Variants in CDH13 observed in about 807,000 individuals in gnomAD.
CDH13 encodes cadherin-13.
Under a neutral mutation model 63.8 loss-of-function variants are expected in CDH13, and 24 were observed. The ratio of observed to expected loss-of-function variants is 0.38; its 90% confidence interval spans 0.27 to 0.53. The LOEUF (loss-of-function observed/expected upper bound fraction) is 0.53, where lower values mean the gene tolerates loss of function less well. Ranked by LOEUF, CDH13 falls within the 20% of genes least tolerant of loss-of-function variation. The pLI, the probability that CDH13 is intolerant of heterozygous loss-of-function variation, is 0.85. For synonymous variants in CDH13, 503 were observed against 355.3 expected, an observed-to-expected ratio of 1.42 and a Z score of -4.67; for missense variants, 1,049 against 903.1, an observed-to-expected ratio of 1.16 and a Z score of -2.07.
At chr16:83,057,048 C>G (rs1279527238) in intron 3 of CDH13, among the ~76,000 whole-genome samples, 2 of 152,154 alleles carry the variant, frequency 1.3e-5, no homozygotes, top group East Asian at 1.9e-4. Context: ...CTCACTGCAA[C>G]CTCTGACTCC....
chr16:83,647,150 AAC>A, intron 8 of CDH13, among the ~76,000 whole-genome samples: 1 of 151,846 alleles, frequency 6.6e-6, no homozygotes, highest in African/African-American at 2.4e-5. Context: ...CTCTACTAAA[AAC>A]ACAAAAAATT....
intron 1 of CDH13, among the ~76,000 whole-genome samples, chr16:82,846,189 T>C (rs961081804): frequency 2.6e-5 from 4 of 152,220 alleles, no homozygotes; most frequent in African/African-American, 4.8e-5. Context: ...TTCTTAGAGG[T>C]TGTCATGTGA....
chr16:83,114,439 C>G (rs1342979872), intron 3 of CDH13, among the ~76,000 whole-genome samples: 1 of 152,184 alleles, frequency 6.6e-6, no homozygotes, highest in South Asian at 2.1e-4. Context: ...TTTACAACAG[C>G]TTATTGGCTT....
chr16:83,364,214 A>G (rs868853314), intron 6 of CDH13, among the ~76,000 whole-genome samples: 1 of 151,792 alleles, frequency 6.6e-6, no homozygotes, highest in Non-Finnish European at 1.5e-5. Context: ...GATAGACATA[A>G]TAAGTCCACA....
chr16:83,463,181 C>T (rs1178425739), intron 6 of CDH13, among the ~76,000 whole-genome samples: 2 of 152,164 alleles, frequency 1.3e-5, no homozygotes, highest in East Asian at 1.9e-4. Flanking sequence ...ATTGAAGATT[C>T]TATTGCTGAA....
At chr16:82,815,837 T>C (rs1001882327) in intron 1 of CDH13, among the ~76,000 whole-genome samples, 18 of 152,306 alleles carry the variant, frequency 1.2e-4, no homozygotes, top group African/African-American at 4.1e-4. Context: ...TCCAGATAGT[T>C]CACGGATGCT....
chr16:83,385,256 G>A (rs1362250802), intron 6 of CDH13, among the ~76,000 whole-genome samples: 1 of 152,216 alleles, frequency 6.6e-6, no homozygotes, highest in East Asian at 1.9e-4. Context: ...TTTTTGTAAG[G>A]CAAGTAAGAT....
intron 6 of CDH13, among the ~76,000 whole-genome samples, chr16:83,461,074 A>G (rs1406590925): frequency 6.6e-6 from 1 of 152,000 alleles, no homozygotes; most frequent in African/African-American, 2.4e-5. Flanking sequence ...GCAGGCTAAG[A>G]TCATGGAGGA....
At chr16:83,372,803 T>C (rs1382506963) in intron 6 of CDH13, among the ~76,000 whole-genome samples, 3 of 150,672 alleles carry the variant, frequency 2.0e-5, no homozygotes, top group South Asian at 2.1e-4. Flanking sequence ...AACTCATCTC[T>C]GCATCTCTGC....
rs1907245345 is a variant in CDH13 at position 83,263,636 on chromosome 16, T to C, written c.636+46139T>C. Among the ~76,000 whole-genome samples, 4 of 152,196 alleles carry C rather than the reference T, an allele frequency of 2.6e-5. No homozygotes were observed. The South Asian group carries it at 8.3e-4, about 32-fold the overall frequency. On this transcript the variant is annotated intron_variant, in intron 5 of 13. Transcript: ENST00000567109. ...GATGTGGTTTGGCCAATGTAGAGGATTAAAACCATTACCACTGCTTCTTCT... is the reference window on the plus strand; with the variant it reads ...GATGTGGTTTGGCCAATGTAGAGGACTAAAACCATTACCACTGCTTCTTCT...
chr16:83,252,093 GTA>G (rs151167605), intron 5 of CDH13, among the ~76,000 whole-genome samples: 4 of 74,254 alleles, frequency 5.4e-5, no homozygotes, highest in South Asian at 4.2e-4. Flanking sequence ...ATGTATATAT[GTA>G]TATATATATT....
At chr16:82,920,284 G>A (rs2042113730) in intron 2 of CDH13, among the ~76,000 whole-genome samples, 1 of 152,152 alleles carries the variant, frequency 6.6e-6, no homozygotes, top group African/African-American at 2.4e-5. Flanking sequence ...TTTCCCATAA[G>A]TTCTCCCCTC....
At chr16:83,118,418 T>G (rs1021140676) in intron 3 of CDH13, among the ~76,000 whole-genome samples, 1 of 152,222 alleles carries the variant, frequency 6.6e-6, no homozygotes, top group Non-Finnish European at 1.5e-5. Context: ...AACCCGCATG[T>G]GCATAAGTGT....
chr16:82,779,021 G>T (rs1302437116), intron 1 of CDH13, among the ~76,000 whole-genome samples: 2 of 152,152 alleles, frequency 1.3e-5, no homozygotes, highest in Non-Finnish European at 2.9e-5. Flanking sequence ...GGAAAGCAAA[G>T]AAATGGCTGG....
intron 5 of CDH13, among the ~76,000 whole-genome samples, chr16:83,328,050 G>A (rs775669542): frequency 4.0e-5 from 6 of 151,690 alleles, no homozygotes; most frequent in African/African-American, 1.5e-4. Context: ...GGAGAATGGC[G>A]TGGACCCAGG....
intron 2 of CDH13, among the ~76,000 whole-genome samples, chr16:83,018,763 G>A (rs1177823429): frequency 2.6e-5 from 4 of 152,110 alleles, no homozygotes; most frequent in Non-Finnish European, 5.9e-5. Context: ...ATGGCTCCTC[G>A]GCTACTAACA....
At chr16:83,038,904 G>T (rs564275396) in intron 3 of CDH13, among the ~76,000 whole-genome samples, 9 of 152,200 alleles carry the variant, frequency 5.9e-5, no homozygotes, top group African/African-American at 1.7e-4. Flanking sequence ...TCTGACATCA[G>T]TTAACGAACT....
At chr16:83,444,251 T>C (rs1037891415) in intron 6 of CDH13, among the ~76,000 whole-genome samples, 2 of 152,148 alleles carry the variant, frequency 1.3e-5, no homozygotes, top group Admixed American at 6.5e-5. Context: ...ACGATGATGG[T>C]AGAGGCTTAC....
intron 7 of CDH13, among the ~76,000 whole-genome samples, chr16:83,574,003 G>C (rs966085926): frequency 5.9e-5 from 9 of 152,136 alleles, no homozygotes; most frequent in Non-Finnish European, 8.8e-5. Context: ...AGATACGCTT[G>C]GAGGTATAAA....
Sources: gnomAD v4.1 joint callset for allele counts (sites outside exome capture counted in the v4.1 genomes callset) on GRCh38, gnomAD v4.1.1 for gene constraint, MANE v1.5 for transcripts, NCBI Gene and HGNC (gene_info 2026-07-23, HGNC 2026-07-21) for gene names.